CFAP77: variants seen among roughly 807,000 people sequenced by gnomAD.
The protein encoded by CFAP77 is cilia- and flagella-associated protein 77.
In CFAP77, 25 loss-of-function variants were observed where a neutral mutation model predicts 31.1. The observed-to-expected ratio is 0.80, with a 90% confidence interval of 0.59 to 1.12. The LOEUF (loss-of-function observed/expected upper bound fraction) is 1.12, where lower values mean the gene tolerates loss of function less well. CFAP77 is among the 50% of genes most tolerant of loss of function. CFAP77 has a pLI of 0.00. For missense variants in CFAP77, 377 were observed against 397.3 expected (o/e 0.95, Z 0.44); for synonymous variants, 151 against 159.9 (o/e 0.94, Z 0.42).
chr9:132,524,104 T>C (rs1405660694), intron 3 of CFAP77, among the ~76,000 whole-genome samples: 2 of 151,692 alleles, frequency 1.3e-5, no homozygotes, highest in African/African-American at 2.4e-5. Context: ...CCCAAAGTGC[T>C]GGGATTGCAG....
intron 1 of CFAP77, among the ~76,000 whole-genome samples, chr9:132,433,066 C>T (rs1273853531): frequency 6.6e-6 from 1 of 151,676 alleles, no homozygotes; most frequent in Admixed American, 6.6e-5. Flanking sequence ...CCAGGCTGGT[C>T]TCAAACCCCT....
intron 1 of CFAP77, among the ~76,000 whole-genome samples, chr9:132,487,975 C>CA (rs1851591036): frequency 6.6e-6 from 1 of 152,140 alleles, no homozygotes; most frequent in Non-Finnish European, 1.5e-5. Context: ...CCCCCATGAG[C>CA]AAAATGGTAT....
chr9:132,568,956 T>C (rs1829922158), intron 5 of CFAP77, among the ~76,000 whole-genome samples: 1 of 152,208 alleles, frequency 6.6e-6, no homozygotes, highest in Non-Finnish European at 1.5e-5. Context: ...TACCTTGGCC[T>C]CCGAAAGTGC....
chr9:132,539,924 T>C lies in CFAP77; in HGVS notation c.630+2218T>C, dbSNP rs928178614. On this transcript the variant is annotated intron_variant, in intron 4 of 5. Coordinates refer to ENST00000393216, the MANE Select transcript of CFAP77 (RefSeq NM_001282957.2). The surrounding 1 kb of genome is among the most constrained non-coding windows in gnomAD (Gnocchi z 4.3). Reference sequence around the variant, plus strand: ...GGGAGTTTTTTTTGCTGTTTGTTTATTTTTGTTTTTGTTTGTTTGTTTTTG... The same window carrying C: ...GGGAGTTTTTTTTGCTGTTTGTTTACTTTTGTTTTTGTTTGTTTGTTTTTG... 6.6e-6 allele frequency among the ~76,000 whole-genome samples: 1 copy of C among 151,250 alleles called. No individual in the cohort carries two copies.
chr9:132,534,902 C>T (rs550487170), intron 3 of CFAP77, among the ~76,000 whole-genome samples: 5 of 152,294 alleles, frequency 3.3e-5, no homozygotes, highest in South Asian at 4.1e-4. Flanking sequence ...TGGGCTGGCC[C>T]CTGTGGTCCA....
chr9:132,543,124 T>C, intron 5 of CFAP77, 77 bp downstream of exon 5: 1 of 1,177,788 alleles, frequency 8.5e-7, no homozygotes, highest in Non-Finnish European at 1.3e-6. Flanking sequence ...TTACCTGCTG[T>C]CTCTGGGTTC....
intron 5 of CFAP77, among the ~76,000 whole-genome samples, chr9:132,568,072 G>A (rs530917596): frequency 5.1e-4 from 78 of 152,310 alleles, no homozygotes; most frequent in Non-Finnish European, 9.6e-4. Context: ...GAATGGACAG[G>A]GCTGAGAGGT....
In CFAP77 at chr9:132,569,554, CAA is replaced by C. The variant is rs1829927996; in HGVS notation, c.733-2832_733-2831del. On this transcript the variant is annotated intron_variant, in intron 5 of 5. Transcript: ENST00000393216. The stretch of plus-strand genomic sequence containing the variant: ...AAAAATATGCCTGTGTTCTAAAAAA[CAA>C]ATGAAAAGACACCATTGGTGACTGG... 3.9e-5 allele frequency among the ~76,000 whole-genome samples: 6 copies of C among 151,950 alleles called. No individual in the cohort carries two copies. In the South Asian group the frequency reaches 1.2e-3, roughly 32 times the overall value.
intron 1 of CFAP77, among the ~76,000 whole-genome samples, chr9:132,483,676 G>A (rs1273916229): frequency 2.0e-5 from 3 of 152,092 alleles, no homozygotes; most frequent in Non-Finnish European, 2.9e-5. Flanking sequence ...TCAGAACAGC[G>A]AGACTCAGAT....
In CFAP77 at chr9:132,424,528, G is replaced by T. The variant is rs368300051; in HGVS notation, c.195+14062G>T. ...TGTAGACAATGGCTAGACAAGGTGA[G>T]AAATTGGCTGCCATGAGCTTGGGTG... On this transcript the variant is annotated intron_variant, in intron 1 of 5. Coordinates refer to ENST00000393216, the MANE Select transcript of CFAP77 (RefSeq NM_001282957.2). The surrounding 1 kb of genome is among the most constrained non-coding windows in gnomAD (Gnocchi z 4.1). Among the ~76,000 whole-genome samples the T allele has an allele frequency of 1.3e-5, 2 of 152,214 alleles. No individual in the cohort carries two copies. The highest frequency in any genetic ancestry group is 2.1e-4 in the South Asian group (1 of 4,832).
chr9:132,463,453 C>A (rs55818468), intron 1 of CFAP77, among the ~76,000 whole-genome samples: 9,403 of 152,182 alleles, frequency 0.062, 324 homozygotes, highest in Middle Eastern at 0.1. Flanking sequence ...GAAGCTGGGA[C>A]AAATTGCTGA....
At chr9:132,551,604 G>A (rs962700596) in intron 5 of CFAP77, among the ~76,000 whole-genome samples, 2 of 152,180 alleles carry the variant, frequency 1.3e-5, no homozygotes, top group Non-Finnish European at 2.9e-5. Context: ...CCCAAGCCTG[G>A]GTGCTTTCGT....
Position 132,499,838 on chromosome 9 carries a change from A to T in CFAP77, c.524+238A>T, listed in dbSNP as rs1422126747. ...TGCACAGGTCACCCACTTTCCCTTGATCAACAAACAGTGATTGAGACCTGT... is the reference window on the plus strand; with the variant it reads ...TGCACAGGTCACCCACTTTCCCTTGTTCAACAAACAGTGATTGAGACCTGT... On this transcript the variant is annotated intron_variant, in intron 3 of 5. Transcript: ENST00000393216. The surrounding 1 kb of genome is among the most constrained non-coding windows in gnomAD (Gnocchi z 5.4). Among the ~76,000 whole-genome samples, 3 of 152,068 alleles carry T rather than the reference A, an allele frequency of 2.0e-5. No individual in the cohort carries two copies. Among genetic ancestry groups the T allele is most frequent in the Non-Finnish European group, 4.4e-5 (3 of 68,006 alleles).
chr9:132,420,334 C>G (rs1026370680), intron 1 of CFAP77, among the ~76,000 whole-genome samples: 1 of 151,692 alleles, frequency 6.6e-6, no homozygotes, highest in Non-Finnish European at 1.5e-5. Context: ...AAGGGGACAC[C>G]TAGAGCAAAG....
intron 1 of CFAP77, among the ~76,000 whole-genome samples, chr9:132,449,268 C>T (rs1349963761): frequency 2.6e-5 from 2 of 77,986 alleles, no homozygotes; most frequent in Non-Finnish European, 5.3e-5. Context: ...TGCTCCCTTG[C>T]ACTCACCCTC....
At chr9:132,430,177 T>A (rs182975435) in intron 1 of CFAP77, among the ~76,000 whole-genome samples, 1 of 152,152 alleles carries the variant, frequency 6.6e-6, no homozygotes, top group South Asian at 2.1e-4. Flanking sequence ...CATTCATAAA[T>A]TTTTTAAAAT....
intron 1 of CFAP77, among the ~76,000 whole-genome samples, chr9:132,472,455 C>T (rs1851276471): frequency 6.6e-6 from 1 of 152,194 alleles, no homozygotes; most frequent in Non-Finnish European, 1.5e-5. Context: ...GGTGTGAACA[C>T]AAACATAACC....
intron 3 of CFAP77, among the ~76,000 whole-genome samples, chr9:132,507,722 A>G (rs1044844242): frequency 1.3e-5 from 2 of 152,154 alleles, no homozygotes; most frequent in African/African-American, 4.8e-5. Flanking sequence ...TAAAATAATA[A>G]TAAGCCCTTT....
chr9:132,462,133 T>C (rs752165070), intron 1 of CFAP77, among the ~76,000 whole-genome samples: 2 of 152,144 alleles, frequency 1.3e-5, no homozygotes, highest in Non-Finnish European at 2.9e-5. Flanking sequence ...GTGAGCTGGC[T>C]GCTTCAGTGC....
Sources: gnomAD v4.1 joint callset for allele counts (sites outside exome capture counted in the v4.1 genomes callset) on GRCh38, gnomAD v4.1.1 for gene constraint, Gnocchi (gnomAD v3.1) non-coding constraint, MANE v1.5 for transcripts, NCBI Gene and HGNC (gene_info 2026-07-23, HGNC 2026-07-21) for gene names.